Variants in RPH3A observed in about 807,000 individuals in gnomAD.
RPH3A encodes the protein rabphilin 3A, also known as rabphilin-3A.
In RPH3A, 48 loss-of-function variants were observed where a neutral mutation model predicts 102.2. That is an observed-to-expected ratio of 0.47 (90% CI 0.37 to 0.60). The LOEUF is 0.60. RPH3A is among the 20% of genes least tolerant of loss of function. RPH3A has a pLI of 0.00. For synonymous variants in RPH3A, 310 were observed against 324.3 expected (o/e 0.96, Z 0.47); for missense variants, 781 against 910.1 (o/e 0.86, Z 1.83).
At chr12:112,779,982 C>T (rs2040995945) in intron 1 of RPH3A, among the ~76,000 whole-genome samples, 1 of 152,198 alleles carries the variant, frequency 6.6e-6, no homozygotes, top group Admixed American at 6.5e-5. Flanking sequence ...ACTGCAAGGA[C>T]TGTCGGCCAC....
At chr12:112,830,306 A>G (rs1200153241) in intron 3 of RPH3A, among the ~76,000 whole-genome samples, 1 of 152,136 alleles carries the variant, frequency 6.6e-6, no homozygotes, top group Non-Finnish European at 1.5e-5. Flanking sequence ...TTGGAGGTAT[A>G]TTTAAAAATT....
At chr12:112,583,908 C>CCTG (rs2039418696) in intron 1 of RPH3A, among the ~76,000 whole-genome samples, 1 of 152,128 alleles carries the variant, frequency 6.6e-6, no homozygotes, top group Non-Finnish European at 1.5e-5. Context: ...ATCGCTTGAG[C>CCTG]CTAGGAGGTG....
chr12:112,665,373 T>C (rs2040077220), intron 1 of RPH3A, among the ~76,000 whole-genome samples: 1 of 152,186 alleles, frequency 6.6e-6, no homozygotes, highest in South Asian at 2.1e-4. Context: ...TTGAACTTAG[T>C]GTGTCAGAAG....
intron 1 of RPH3A, among the ~76,000 whole-genome samples, chr12:112,658,386 A>G (rs2040027490): frequency 6.6e-6 from 1 of 152,132 alleles, no homozygotes; most frequent in Admixed American, 6.5e-5. Context: ...CATGTTGGCC[A>G]GGCTGGTCTT....
chr12:112,887,206 T>A (rs188512346), intron 16 of RPH3A, among the ~76,000 whole-genome samples: 1 of 152,340 alleles, frequency 6.6e-6, no homozygotes, highest in East Asian at 1.9e-4. Flanking sequence ...AACATAAATA[T>A]TCCATAGCAG....
At chr12:112,716,118 A>G (rs1197399118) in intron 1 of RPH3A, among the ~76,000 whole-genome samples, 1 of 152,186 alleles carries the variant, frequency 6.6e-6, no homozygotes, top group Non-Finnish European at 1.5e-5. Flanking sequence ...TTTTGTTGCC[A>G]TCTTGGTTTT....
intron 7 of RPH3A, 158 bp from the exon 8 acceptor site, chr12:112,868,272 A>G: frequency 1.5e-6 from 1 of 684,770 alleles, no homozygotes; most frequent in Non-Finnish European, 2.3e-6. Context: ...GGCTGAATAA[A>G]TATGAATTGT....
intron 1 of RPH3A, among the ~76,000 whole-genome samples, chr12:112,741,984 A>T (rs1481628914): frequency 1.3e-5 from 2 of 152,184 alleles, no homozygotes; most frequent in Non-Finnish European, 2.9e-5. Flanking sequence ...GTGCGCTAAA[A>T]TACTGCACCA....
At chr12:112,827,053 T>C (rs1403271180) in intron 2 of RPH3A, among the ~76,000 whole-genome samples, 1 of 152,156 alleles carries the variant, frequency 6.6e-6, no homozygotes, top group African/African-American at 2.4e-5. Flanking sequence ...GGTGACACCA[T>C]TTTTTTCAGC....
intron 1 of RPH3A, among the ~76,000 whole-genome samples, chr12:112,631,313 G>A (rs948373828): frequency 2.0e-5 from 3 of 152,014 alleles, no homozygotes; most frequent in African/African-American, 7.3e-5. Context: ...GCACAAAAGT[G>A]TCTTGACAAT....
At chr12:112,644,001 G>T (rs1348591683) in intron 1 of RPH3A, among the ~76,000 whole-genome samples, 1 of 152,198 alleles carries the variant, frequency 6.6e-6, no homozygotes, top group Non-Finnish European at 1.5e-5. Flanking sequence ...GCAGCAATGT[G>T]GATGGAACTG....
intron 1 of RPH3A, among the ~76,000 whole-genome samples, chr12:112,727,504 C>CCACACA (rs1555205005): frequency 1.2e-5 from 1 of 80,922 alleles, no homozygotes; most frequent in Non-Finnish European, 2.3e-5. Flanking sequence ...CCCCCCCCCC[C>CCACACA]CACACACATA....
chr12:112,803,526 G>A (rs2041397025), intron 2 of RPH3A, among the ~76,000 whole-genome samples: 1 of 151,394 alleles, frequency 6.6e-6, no homozygotes, highest in Non-Finnish European at 1.5e-5. Flanking sequence ...TTTTGCAGAT[G>A]AGGACACAGG....
chr12:112,712,904 CTCTTCTTCTTCT>C (rs1387688395), intron 1 of RPH3A, among the ~76,000 whole-genome samples: 4 of 92,572 alleles, frequency 4.3e-5, no homozygotes, highest in African/African-American at 1.1e-4. Context: ...CTTCTTCTTC[CTCTTCTTCTTCT>C]TCTTCTTCCT....
rs544067298 is a variant in RPH3A at position 112,706,904 on chromosome 12, T to C, written c.-139-85239T>C. Among the ~76,000 whole-genome samples the C allele has an allele frequency of 3.3e-5, 5 of 152,280 alleles. No individual in the cohort carries two copies. In the South Asian group the frequency reaches 8.3e-4, roughly 25 times the overall value. ...AGCACACAACTTACAGAGGACAAGCTTGTAGTCTGACGAGTCCCTTGATTT... is the reference window on the plus strand; with the variant it reads ...AGCACACAACTTACAGAGGACAAGCCTGTAGTCTGACGAGTCCCTTGATTT... On this transcript the variant is annotated intron_variant, in intron 1 of 21. Transcript: ENST00000543106.
intron 2 of RPH3A, among the ~76,000 whole-genome samples, chr12:112,821,148 G>A (rs141224268): frequency 2.8e-4 from 43 of 152,270 alleles, no homozygotes; most frequent in African/African-American, 9.4e-4. Flanking sequence ...ATGACCAGGC[G>A]GGCAGGCAAG....
intron 1 of RPH3A, among the ~76,000 whole-genome samples, chr12:112,743,258 C>T (rs2040722370): frequency 6.6e-6 from 1 of 152,186 alleles, no homozygotes; most frequent in South Asian, 2.1e-4. Flanking sequence ...CAGTATTCTG[C>T]CTACCGCAGC....
intron 1 of RPH3A, among the ~76,000 whole-genome samples, chr12:112,715,330 T>C (rs1225557815): frequency 3.9e-5 from 6 of 152,134 alleles, no homozygotes; most frequent in Non-Finnish European, 8.8e-5. Context: ...CTTCTCTCTG[T>C]CCTATCACAT....
At chr12:112,639,671 C>A (rs547631280) in intron 1 of RPH3A, among the ~76,000 whole-genome samples, 4 of 152,260 alleles carry the variant, frequency 2.6e-5, no homozygotes, top group East Asian at 1.9e-4. Context: ...CCCCTCCCCC[C>A]ACAAAGATGC....
Sources: allele counts gnomAD v4.1 joint callset (sites outside exome capture counted in the v4.1 genomes callset), GRCh38; gene constraint gnomAD v4.1.1; transcripts MANE v1.5; gene names NCBI Gene and HGNC (gene_info 2026-07-23, HGNC 2026-07-21).